Variants in TMEM131 observed in about 807,000 individuals in gnomAD.
The protein encoded by TMEM131 is 2610524E03Rik.
Under a neutral mutation model 211.6 loss-of-function variants are expected in TMEM131, and 66 were observed. The ratio of observed to expected loss-of-function variants is 0.31; its 90% CI spans 0.26 to 0.38. The LOEUF (loss-of-function observed/expected upper bound fraction) is 0.38. TMEM131 is among the 10% of genes least tolerant of loss of function. The probability of loss-of-function intolerance (pLI) is 1.00; values close to 1 mark genes in which losing one functional copy is unlikely to be tolerated. For synonymous variants in TMEM131, 844 were observed against 841.3 expected (o/e 1.00, Z -0.06); for missense variants, 2,036 against 2,299.3 (o/e 0.89, Z 2.34).
intron 1 of TMEM131, among the ~76,000 whole-genome samples, chr2:97,968,546 G>A (rs573994020): frequency 6.6e-6 from 1 of 152,118 alleles, no homozygotes; most frequent in African/African-American, 2.4e-5. Flanking sequence ...CGGAAAATGA[G>A]TTCTCCCTTT....
intron 1 of TMEM131, among the ~76,000 whole-genome samples, chr2:97,940,854 C>A (rs971170739): frequency 6.6e-6 from 1 of 151,776 alleles, no homozygotes; most frequent in African/African-American, 2.4e-5. Flanking sequence ...ACATTCCATG[C>A]TCATGGATAG....
Position 97,844,198 on chromosome 2 carries a change from C to T in TMEM131, c.547G>A (p.Val183Ile). ...GTATTAATAAATAAAGTATTTTCTA[C>T]ATTTCCTACTACTCTTGCAAGAAAA... Reference protein sequence around the residue: ...VVFLARVVGNVENTLFINTSN... With the variant: ...VVFLARVVGNIENTLFINTSN... Residue 183 changes from valine to isoleucine, a missense_variant, in exon 6 of 41, where the codon GTA becomes ATA. Transcript: ENST00000186436. The T allele has an allele frequency of 7.5e-7, 1 of 1,331,108 alleles. No homozygotes were observed. The highest frequency in any genetic ancestry group is 1.5e-5 in the African/African-American group (1 of 66,724). 82.5% of individuals were successfully genotyped at this position (1,331,108 alleles called of 1,614,324 possible).
At chr2:97,936,458 G>A (rs1677449725) in intron 1 of TMEM131, among the ~76,000 whole-genome samples, 1 of 152,186 alleles carries the variant, frequency 6.6e-6, no homozygotes, top group Admixed American at 6.5e-5. Flanking sequence ...GCCCGGCTGA[G>A]TGTTTTGATG....
chr2:97,921,449 A>T (rs533423210), intron 2 of TMEM131, among the ~76,000 whole-genome samples: 1 of 152,316 alleles, frequency 6.6e-6, no homozygotes, highest in South Asian at 2.1e-4. Flanking sequence ...AACATTGAAC[A>T]AGACACAAAA....
chr2:97,946,864 A>C (rs976569379), intron 1 of TMEM131, among the ~76,000 whole-genome samples: 6 of 152,066 alleles, frequency 3.9e-5, no homozygotes, highest in African/African-American at 1.4e-4. Context: ...ATGTATAAAA[A>C]AGATAAAAAC....
At chr2:97,844,019 G>A (rs1683315385) in intron 6 of TMEM131, 126 bp downstream of exon 6, 1 of 349,512 alleles carries the variant, frequency 2.9e-6, no homozygotes. Flanking sequence ...GTATAAAAAT[G>A]CTCTAAGTCT....
rs1249561554 is a variant in TMEM131, at chr2:97,844,186, A to G, written c.559T>C (p.Leu187=). Reference sequence around the variant, plus strand: ...CCATGATTAGATGTATTAATAAATAAAGTATTTTCTACATTTCCTACTACT... The same window carrying G: ...CCATGATTAGATGTATTAATAAATAGAGTATTTTCTACATTTCCTACTACT... ...ARVVGNVENT[L]FINTSNHGVF... The change falls in exon 6 of 41, where the codon TTA becomes CTA. Residue 187 remains leucine, a synonymous_variant. Transcript: ENST00000186436. The G allele has an allele frequency of 7.7e-7, 1 of 1,296,000 alleles. No homozygotes were observed. The highest frequency in any genetic ancestry group is 1.0e-6 in the Non-Finnish European group (1 of 974,520). The allele number at this position is 1,296,000 out of a possible 1,614,324, so 80.3% of individuals were successfully genotyped here.
At chr2:97,814,638 A>G (rs570190820) in intron 13 of TMEM131, among the ~76,000 whole-genome samples, 4 of 152,326 alleles carry the variant, frequency 2.6e-5, no homozygotes, top group East Asian at 3.9e-4. Flanking sequence ...AATCAAAGAC[A>G]TATCAACAAA....
chr2:97,888,607 T>C (rs1052299166), intron 3 of TMEM131, among the ~76,000 whole-genome samples: 1 of 152,216 alleles, frequency 6.6e-6, no homozygotes, highest in Non-Finnish European at 1.5e-5. Context: ...ATCTGAGAGT[T>C]TGGAATACAC....
At chr2:97,898,504 A>G (rs1388692077) in intron 3 of TMEM131, among the ~76,000 whole-genome samples, 3 of 152,154 alleles carry the variant, frequency 2.0e-5, no homozygotes, top group Non-Finnish European at 4.4e-5. Context: ...TATCCTTACA[A>G]AAAGAGACAC....
Position 97,805,576 on chromosome 2 carries a change from T to G in TMEM131, c.2183A>C (p.Asp728Ala). 6.2e-7 allele frequency: 1 copy of G among 1,609,640 alleles called. No homozygotes were observed. Among genetic ancestry groups the G allele is most frequent in the Non-Finnish European group, 8.5e-7 (1 of 1,176,816 alleles). The change falls in exon 20 of 41, where the codon GAC becomes GCC. Residue 728 changes from aspartate to alanine, a missense_variant. By Grantham distance (126) the Asp-to-Ala change is moderately radical. Transcript: ENST00000186436. The part of the protein sequence containing the change: ...YYKRLRGNKE[D>A]LEPGKKSKIA... ...CTTTGATTTTTTTCCTGGCTCCAAG[T>G]CTTCCTTATTGCCCCGTAATCGTTT...
intron 1 of TMEM131, among the ~76,000 whole-genome samples, chr2:97,940,203 T>C (rs1677653562): frequency 6.6e-6 from 1 of 152,014 alleles, no homozygotes; most frequent in Non-Finnish European, 1.5e-5. Flanking sequence ...AATAAAGGGG[T>C]ATTCAATTAG....
At chr2:97,916,424 A>T (rs1328109939) in intron 2 of TMEM131, among the ~76,000 whole-genome samples, 1 of 152,208 alleles carries the variant, frequency 6.6e-6, no homozygotes, top group Non-Finnish European at 1.5e-5. Flanking sequence ...ACCCTTGGGG[A>T]AAGTCTGTAA....
intron 31 of TMEM131, among the ~76,000 whole-genome samples, chr2:97,785,231 C>CT (rs1680191686): frequency 6.6e-6 from 1 of 152,108 alleles, no homozygotes; most frequent in African/African-American, 2.4e-5. Context: ...AAAAGACACA[C>CT]TACAGGCAAG....
intron 3 of TMEM131, among the ~76,000 whole-genome samples, chr2:97,904,391 TAAA>T (rs1402341006): frequency 6.6e-6 from 1 of 151,788 alleles, no homozygotes; most frequent in Non-Finnish European, 1.5e-5. Flanking sequence ...AGGAGAGAGT[TAAA>T]AAAGAGAGAT....
At chr2:97,845,732 A>G (rs897107090) in intron 5 of TMEM131, among the ~76,000 whole-genome samples, 4 of 150,544 alleles carry the variant, frequency 2.7e-5, no homozygotes, top group African/African-American at 9.8e-5. Context: ...AAGAGTAAAA[A>G]TTAATGAAAT....
At chr2:97,927,153 C>A (rs1026732759) in intron 2 of TMEM131, among the ~76,000 whole-genome samples, 1 of 152,276 alleles carries the variant, frequency 6.6e-6, no homozygotes, top group East Asian at 1.9e-4. Context: ...TTACATTTCT[C>A]AACACCTCTT....
intron 35 of TMEM131, chr2:97,764,785 A>G (rs975498524): frequency 6.6e-6 from 1 of 152,224 alleles, no homozygotes; most frequent in African/African-American, 2.4e-5. Context: ...CTCCACACAG[A>G]AGGAGTGATG....
chr2:97,878,176 C>T (rs74850668), intron 4 of TMEM131, among the ~76,000 whole-genome samples: 52,455 of 151,940 alleles, frequency 0.35, 9,947 homozygotes, highest in Middle Eastern at 0.49. Flanking sequence ...GTTAGAATGG[C>T]GATCATTAAA....
Sources: allele counts gnomAD v4.1 joint callset (sites outside exome capture counted in the v4.1 genomes callset), GRCh38; gene constraint gnomAD v4.1.1; transcripts MANE v1.5; gene names NCBI Gene and HGNC (gene_info 2026-07-23, HGNC 2026-07-21).